The following SPTLC2 variants were observed in gnomAD, a reference collection of about 807,000 sequenced individuals.
SPTLC2 encodes serine palmitoyltransferase 2.
In SPTLC2, 21 loss-of-function variants were observed where a neutral mutation model predicts 62.0. That is an observed-to-expected ratio of 0.34 (90% CI 0.24 to 0.49). The LOEUF (loss-of-function observed/expected upper bound fraction) is 0.49, where lower values mean the gene tolerates loss of function less well. SPTLC2 is among the 20% of genes least tolerant of loss of function. The pLI is 0.99. For missense variants in SPTLC2, 511 were observed against 713.0 expected, an observed-to-expected ratio of 0.72 and a Z score of 3.23; for synonymous variants, 261 against 261.8, an observed-to-expected ratio of 1.00 and a Z score of 0.03.
intron 2 of SPTLC2, among the ~76,000 whole-genome samples, chr14:77,586,211 G>A (rs1424522366): frequency 6.6e-6 from 1 of 151,748 alleles, no homozygotes; most frequent in African/African-American, 2.4e-5. Context: ...AAGTAGTTGG[G>A]ATTACAGGTG....
At chr14:77,558,630 T>TG (rs2079598320) in intron 6 of SPTLC2, among the ~76,000 whole-genome samples, 1 of 150,956 alleles carries the variant, frequency 6.6e-6, no homozygotes, top group Admixed American at 6.6e-5. Flanking sequence ...TTTTTTGTTT[T>TG]TTTTTTTTTG....
chr14:77,589,887 A>C (rs2079806078), intron 2 of SPTLC2, among the ~76,000 whole-genome samples: 2 of 151,570 alleles, frequency 1.3e-5, no homozygotes, highest in Admixed American at 6.6e-5. Flanking sequence ...CTGAGGCATG[A>C]GAATCACTTG....
chr14:77,580,974 A>C (rs974589668), intron 2 of SPTLC2, among the ~76,000 whole-genome samples: 5 of 152,266 alleles, frequency 3.3e-5, no homozygotes, highest in African/African-American at 1.2e-4. Flanking sequence ...GTAAAAAATC[A>C]AGTCACAGCG....
At chr14:77,547,566 A>G (rs2079535116) in intron 9 of SPTLC2, 1 of 152,330 alleles carries the variant, frequency 6.6e-6, no homozygotes, top group Non-Finnish European at 1.5e-5. Flanking sequence ...TTTGTTTTAA[A>G]GAGACAAGGT....
intron 3 of SPTLC2, among the ~76,000 whole-genome samples, chr14:77,577,129 T>C (rs2079720718): frequency 6.7e-6 from 1 of 150,030 alleles, no homozygotes; most frequent in Admixed American, 6.9e-5. Context: ...ATATCCAGTG[T>C]TGGCCAGGAC....
At chr14:77,513,172 G>A (rs1464671279) in intron 11 of SPTLC2, among the ~76,000 whole-genome samples, 1 of 150,910 alleles carries the variant, frequency 6.6e-6, no homozygotes. Context: ...CTACAGGCAT[G>A]TGCCATCACA....
At chr14:77,590,303 C>T (rs1048248492) in intron 2 of SPTLC2, among the ~76,000 whole-genome samples, 5 of 152,182 alleles carry the variant, frequency 3.3e-5, no homozygotes, top group Non-Finnish European at 7.3e-5. Flanking sequence ...TAAACATTTA[C>T]CGAGCGTCTA....
intron 5 of SPTLC2, among the ~76,000 whole-genome samples, chr14:77,568,062 T>G (rs1451992556): frequency 6.6e-6 from 1 of 152,204 alleles, no homozygotes; most frequent in Non-Finnish European, 1.5e-5. Context: ...TTTCAGATTT[T>G]GGGATTAGGA....
chr14:77,577,306 T>A (rs1286290272), intron 3 of SPTLC2, among the ~76,000 whole-genome samples: 8 of 152,080 alleles, frequency 5.3e-5, no homozygotes, highest in Non-Finnish European at 1.0e-4. Flanking sequence ...ATTTGCCACA[T>A]CTGTTCTTCA....
chr14:77,562,427 T>C lies in SPTLC2; in HGVS notation c.819A>G (p.Ser273=), dbSNP rs747565334. ...HASLVLGARL[S]GATIRIFKHN... ...GTTTGAAGATTCTAATGGTTGCTCC[T>C]GACAGTCTGGCTCCCAGAACCAGTG... The change falls in exon 6 of 12, where the codon TCA becomes TCG. Residue 273 remains serine (S), a synonymous_variant. Coordinates refer to ENST00000216484, the MANE Select transcript of SPTLC2 (RefSeq NM_004863.4). The C allele has an allele frequency of 9.3e-6, 15 of 1,614,068 alleles. No individual in the cohort carries two copies. In the South Asian group the frequency reaches 1.2e-4, roughly 13 times the overall value.
intron 4 of SPTLC2, among the ~76,000 whole-genome samples, chr14:77,573,445 C>T (rs1279806943): frequency 6.6e-6 from 1 of 151,578 alleles, no homozygotes; most frequent in Admixed American, 6.6e-5. Context: ...TCACATGTAC[C>T]CCACACAAAT....
chr14:77,560,983 A>G (rs1172297182), intron 6 of SPTLC2, among the ~76,000 whole-genome samples: 2 of 151,470 alleles, frequency 1.3e-5, no homozygotes, highest in Admixed American at 6.6e-5. Context: ...CAATTTACCT[A>G]TATAACAAAC....
rs1271234266 is a variant in SPTLC2, at chr14:77,597,484, T to A, written c.133-104A>T. ...TTGCTGAATTATACCTTAAGAATTT[T>A]CTAAGTTCCGCCGGGCGCACTGGCT... On this transcript the variant is annotated intron_variant, in intron 1 of 11. Coordinates refer to ENST00000216484, the MANE Select transcript of SPTLC2 (RefSeq NM_004863.4). 6.8e-6 allele frequency: 7 copies of A among 1,036,902 alleles called. No homozygotes were observed. In the East Asian group the frequency reaches 1.9e-4, roughly 29 times the overall value. 64.2% of individuals were successfully genotyped at this position (1,036,902 alleles called of 1,614,324 possible).
intron 9 of SPTLC2, among the ~76,000 whole-genome samples, chr14:77,532,716 G>A (rs866433006): frequency 2.0e-5 from 3 of 151,872 alleles, no homozygotes; most frequent in Admixed American, 6.6e-5. Context: ...CCCAGGAGGC[G>A]GAGCTTGCAG....
chr14:77,560,630 AATAT>A (rs67807394), intron 6 of SPTLC2, among the ~76,000 whole-genome samples: 3 of 148,188 alleles, frequency 2.0e-5, no homozygotes, highest in Admixed American at 6.7e-5. Context: ...TAAAAATAAA[AATAT>A]ATATATATAT....
intron 6 of SPTLC2, 106 bp from the exon 7 acceptor site, chr14:77,557,252 C>G: frequency 9.9e-7 from 1 of 1,011,348 alleles, no homozygotes; most frequent in Admixed American, 2.0e-5. Flanking sequence ...CCTCAGATAG[C>G]AAAGGACATA....
chr14:77,512,875 T>C (rs2079339410), intron 11 of SPTLC2, among the ~76,000 whole-genome samples: 1 of 151,924 alleles, frequency 6.6e-6, no homozygotes. Context: ...GCCATCATGC[T>C]CAGCTAATTT....
chr14:77,595,938 A>C (rs1052577730), intron 2 of SPTLC2, among the ~76,000 whole-genome samples: 13 of 152,188 alleles, frequency 8.5e-5, no homozygotes, highest in African/African-American at 3.1e-4. Context: ...TTTTAGTAAA[A>C]TTAGGCATCT....
At position 77,552,225 on chromosome 14, in the gene SPTLC2, G is replaced by A. The variant is rs756306172; in HGVS notation, c.1177-3C>T. Reference sequence around the variant, plus strand: ...GTTCGCAGGTAGTCTATCAGCTCCTGGGGAGTTCACAGAGGCAGATAAGTA... The same window carrying A: ...GTTCGCAGGTAGTCTATCAGCTCCTAGGGAGTTCACAGAGGCAGATAAGTA... On this transcript the variant is annotated splice_polypyrimidine_tract_variant and splice_region_variant and intron_variant, in intron 8 of 11. Transcript: ENST00000216484. 1.9e-6 allele frequency: 3 copies of A among 1,613,934 alleles called. No homozygotes were observed. The highest frequency in any genetic ancestry group is 2.2e-5 in the South Asian group (2 of 91,048).
Sources: gnomAD v4.1 joint callset for allele counts (sites outside exome capture counted in the v4.1 genomes callset) on GRCh38, gnomAD v4.1.1 for gene constraint, MANE v1.5 for transcripts, NCBI Gene and HGNC (gene_info 2026-07-23, HGNC 2026-07-21) for gene names.